Variants in NRXN3 observed in about 807,000 individuals in gnomAD.
NRXN3 encodes the protein neurexin 3.
A neutral mutation model predicts 137.6 loss-of-function variants in NRXN3; 32 were observed. The ratio of observed to expected loss-of-function variants is 0.23; its 90% CI spans 0.18 to 0.31. The LOEUF (loss-of-function observed/expected upper bound fraction) is 0.31. Among genes scored for constraint, NRXN3 ranks in the 10% least tolerant of loss-of-function variants. The pLI, the probability that NRXN3 is intolerant of heterozygous loss-of-function variation, is 1.00. For synonymous variants in NRXN3, 798 were observed against 784.5 expected (o/e 1.02, Z -0.29); for missense variants, 1,574 against 2,062.5 (o/e 0.76, Z 4.59).
chr14:78,333,265 A>G (rs1042475746), intron 4 of NRXN3, among the ~76,000 whole-genome samples: 1 of 152,140 alleles, frequency 6.6e-6, no homozygotes, highest in African/African-American at 2.4e-5. Context: ...ATTGGGAAAT[A>G]TACAGTAAGG....
intron 4 of NRXN3, among the ~76,000 whole-genome samples, chr14:78,497,842 G>A (rs972958008): frequency 6.6e-6 from 1 of 152,148 alleles, no homozygotes; most frequent in African/African-American, 2.4e-5. Flanking sequence ...TTCCTCTGTA[G>A]GATGAGAATG....
chr14:78,288,232 G>A (rs973412830), intron 3 of NRXN3, among the ~76,000 whole-genome samples: 2 of 152,004 alleles, frequency 1.3e-5, no homozygotes, highest in Non-Finnish European at 1.5e-5. Context: ...CACCCGCCTC[G>A]GCTTCCAAAA....
intron 1 of NRXN3, among the ~76,000 whole-genome samples, chr14:78,182,104 G>T (rs1288957807): frequency 7.6e-6 from 1 of 131,858 alleles, no homozygotes; most frequent in Non-Finnish European, 1.7e-5. Flanking sequence ...ACCTAATTTA[G>T]AATGATGGGG....
At chr14:78,946,983 G>A (rs2099366670) in intron 10 of NRXN3, among the ~76,000 whole-genome samples, 1 of 152,088 alleles carries the variant, frequency 6.6e-6, no homozygotes, top group South Asian at 2.1e-4. Flanking sequence ...ATATTTCCAG[G>A]GAGACGAAGA....
At chr14:79,098,709 T>C (rs1595936281) in intron 15 of NRXN3, among the ~76,000 whole-genome samples, 2 of 152,280 alleles carry the variant, frequency 1.3e-5, no homozygotes, top group East Asian at 3.9e-4. Flanking sequence ...GCCACAATGG[T>C]GCCTGCAAGA....
intron 15 of NRXN3, among the ~76,000 whole-genome samples, chr14:78,988,949 C>G (rs952284408): frequency 6.6e-6 from 1 of 152,116 alleles, no homozygotes; most frequent in African/African-American, 2.4e-5. Context: ...GTGCTTCTAG[C>G]ACTGATGGTG....
intron 14 of NRXN3, among the ~76,000 whole-genome samples, chr14:78,979,866 G>A (rs31429): frequency 0.34 from 51,850 of 151,846 alleles, 11,469 homozygotes; most frequent in African/African-American, 0.62. Flanking sequence ...ATTCACTATC[G>A]TGAGAACAGC....
At chr14:78,583,311 G>T (rs1292602253) in intron 4 of NRXN3, among the ~76,000 whole-genome samples, 2 of 151,840 alleles carry the variant, frequency 1.3e-5, no homozygotes, top group African/African-American at 4.8e-5. Context: ...TGTGAGGAGA[G>T]GGGAAGGCAA....
intron 2 of NRXN3, among the ~76,000 whole-genome samples, chr14:78,252,885 T>C (rs1021475146): frequency 6.6e-6 from 1 of 152,190 alleles, no homozygotes; most frequent in South Asian, 2.1e-4. Flanking sequence ...AAAGCTGAGA[T>C]CACTTCTTTG....
At chr14:79,004,807 T>G (rs2099548955) in intron 15 of NRXN3, among the ~76,000 whole-genome samples, 1 of 152,186 alleles carries the variant, frequency 6.6e-6, no homozygotes, top group Non-Finnish European at 1.5e-5. Context: ...CAGACCTTGA[T>G]TCTACAATCA....
At chr14:78,855,584 A>G (rs974758101) in intron 10 of NRXN3, among the ~76,000 whole-genome samples, 1 of 152,214 alleles carries the variant, frequency 6.6e-6, no homozygotes, top group Non-Finnish European at 1.5e-5. Context: ...AGATCATGAA[A>G]AGGAATGATT....
chr14:78,663,688 A>G (rs1206546081), intron 6 of NRXN3, among the ~76,000 whole-genome samples: 1 of 152,158 alleles, frequency 6.6e-6, no homozygotes, highest in Non-Finnish European at 1.5e-5. Flanking sequence ...TTTGGGAATC[A>G]CTTACTTAGC....
intron 16 of NRXN3, among the ~76,000 whole-genome samples, chr14:79,650,408 T>TA (rs1312039161): frequency 6.6e-6 from 1 of 152,160 alleles, no homozygotes; most frequent in Non-Finnish European, 1.5e-5. Context: ...GCGATCTATA[T>TA]TTTTTTAAAT....
chr14:78,349,914 C>T (rs1374836948), intron 4 of NRXN3, among the ~76,000 whole-genome samples: 3 of 152,194 alleles, frequency 2.0e-5, no homozygotes, highest in Admixed American at 2.0e-4. Context: ...TGCCTTAGGA[C>T]ACCTAGCTCC....
chr14:78,180,800 A>G (rs1298898737), intron 1 of NRXN3, among the ~76,000 whole-genome samples: 1 of 152,204 alleles, frequency 6.6e-6, no homozygotes, highest in Non-Finnish European at 1.5e-5. Flanking sequence ...AGCCCAGGGC[A>G]ACTCAGGCCC....
chr14:79,619,695 C>A (rs1329084574), intron 16 of NRXN3, among the ~76,000 whole-genome samples: 1 of 152,016 alleles, frequency 6.6e-6, no homozygotes, highest in African/African-American at 2.4e-5. Flanking sequence ...ATGAACCAAC[C>A]ATAAAATATT....
At chr14:78,778,234 T>A (rs1433014540) in intron 8 of NRXN3, among the ~76,000 whole-genome samples, 1 of 152,250 alleles carries the variant, frequency 6.6e-6, no homozygotes, top group Non-Finnish European at 1.5e-5. Flanking sequence ...TATTTTCAGC[T>A]ATCCTTGAGA....
At chr14:79,603,791 A>C (rs1304003573) in intron 16 of NRXN3, among the ~76,000 whole-genome samples, 1 of 152,326 alleles carries the variant, frequency 6.6e-6, no homozygotes, top group African/African-American at 2.4e-5. Flanking sequence ...AAAATGAATT[A>C]TCAGAGTTTA....
chr14:79,211,220 G>A (rs1293287492), intron 15 of NRXN3, among the ~76,000 whole-genome samples: 1 of 151,956 alleles, frequency 6.6e-6, no homozygotes, highest in African/African-American at 2.4e-5. Context: ...TTTAAAATGG[G>A]GCTATTAAGA....
Sources: gnomAD v4.1 joint callset for allele counts (sites outside exome capture counted in the v4.1 genomes callset) on GRCh38, gnomAD v4.1.1 for gene constraint, MANE v1.5 for transcripts, NCBI Gene and HGNC (gene_info 2026-07-23, HGNC 2026-07-21) for gene names.